MTHFD1L: variants seen among roughly 807,000 people sequenced by gnomAD.
The protein encoded by MTHFD1L is monofunctional C1-tetrahydrofolate synthase, mitochondrial.
MTHFD1L carries 81 observed loss-of-function variants against 119.5 expected under a neutral mutation model. That is an observed-to-expected ratio of 0.68 (90% confidence interval 0.57 to 0.82). MTHFD1L has a LOEUF of 0.82. Ranked by LOEUF, MTHFD1L falls within the 40% of genes least tolerant of loss-of-function variation. MTHFD1L has a pLI of 0.00. For missense variants in MTHFD1L, 1,125 were observed against 1,253.4 expected (o/e 0.90, Z 1.55); for synonymous variants, 430 against 475.2 (o/e 0.90, Z 1.24).
chr6:151,001,477 TC>T (rs2128465558), intron 20 of MTHFD1L, among the ~76,000 whole-genome samples: 1 of 152,346 alleles, frequency 6.6e-6, no homozygotes, highest in East Asian at 1.9e-4. Flanking sequence ...CTAAAGCGGT[TC>T]TTGCCTTTTC....
chr6:150,886,981 C>G (rs1583383526), intron 6 of MTHFD1L, among the ~76,000 whole-genome samples: 1 of 137,104 alleles, frequency 7.3e-6, no homozygotes, highest in South Asian at 2.3e-4. Context: ...GGGCAACAAG[C>G]AAGATCCTAT....
Position 150,936,915 on chromosome 6 carries a change from C to T in MTHFD1L, c.1368C>T (p.Ser456=). 6.2e-7 allele frequency: 1 copy of T among 1,614,170 alleles called. No homozygotes were observed. Among genetic ancestry groups the T allele is most frequent in the Non-Finnish European group, 8.5e-7 (1 of 1,180,024 alleles). The change falls in exon 12 of 28, where the codon TCC becomes TCT. Residue 456 remains serine, a synonymous_variant. Coordinates refer to ENST00000367321, the MANE Select transcript of MTHFD1L (RefSeq NM_015440.5). ...CCTTTGCCTGCTTGAGGCAGCCTTC[C>T]CAAGGACCGACGTTTGGAGTGAAAG... is the stretch of plus-strand genomic sequence containing the variant. ...VNSFACLRQP[S]QGPTFGVKGG...
intron 26 of MTHFD1L, among the ~76,000 whole-genome samples, chr6:151,074,655 A>C (rs1185640780): frequency 2.0e-5 from 3 of 152,248 alleles, no homozygotes; most frequent in Non-Finnish European, 4.4e-5. Context: ...CAGCAGTTCC[A>C]TCAGATTATA....
chr6:150,967,158 C>T (rs557535079), intron 19 of MTHFD1L, among the ~76,000 whole-genome samples: 1 of 152,234 alleles, frequency 6.6e-6, no homozygotes, highest in Non-Finnish European at 1.5e-5. Context: ...TCTTGTCTGT[C>T]ACTGGGGTCT....
intron 24 of MTHFD1L, chr6:151,022,397 C>G (rs1167011984): frequency 1.0e-5 from 2 of 193,038 alleles, no homozygotes; most frequent in African/African-American, 4.6e-5. Flanking sequence ...GGGGGATCTT[C>G]CATTGTGGTA....
rs1798039123 is a variant in MTHFD1L, at chr6:150,971,877, C to T, written c.2014-70C>T. On this transcript the variant is annotated intron_variant, in intron 19 of 27. Transcript: ENST00000367321. The stretch of plus-strand genomic sequence containing the variant: ...TAAAAGCTTTCCTACCCCATTTGCC[C>T]CAAATTGATCTTGGTTTCCATGCTT... 2.2e-6 allele frequency: 3 copies of T among 1,379,984 alleles called. No homozygotes were observed. In the East Asian group the frequency reaches 6.9e-5, roughly 32 times the overall value. The allele number at this position is 1,379,984 out of a possible 1,614,324, so 85.5% of individuals were successfully genotyped here.
chr6:151,082,072 CTTAATT>C (rs1202746018), intron 26 of MTHFD1L, among the ~76,000 whole-genome samples: 1 of 152,192 alleles, frequency 6.6e-6, no homozygotes, highest in East Asian at 1.9e-4. Flanking sequence ...AATTTAATTA[CTTAATT>C]TTGAGTTTCC....
At chr6:150,944,267 A>G (rs1793595568) in intron 13 of MTHFD1L, among the ~76,000 whole-genome samples, 1 of 152,176 alleles carries the variant, frequency 6.6e-6, no homozygotes, top group Non-Finnish European at 1.5e-5. Context: ...GCAACATAGC[A>G]AGACCCCCAT....
At chr6:150,900,175 C>G (rs913182660) in intron 7 of MTHFD1L, among the ~76,000 whole-genome samples, 6 of 151,938 alleles carry the variant, frequency 3.9e-5, no homozygotes, top group African/African-American at 1.2e-4. Context: ...AGCAAAGTCA[C>G]CAGTAGTTCC....
rs1299161508 is a variant in MTHFD1L, at chr6:151,036,983, A to G, written c.2713A>G (p.Ile905Val). ...CTCACAGGGTTTTGGAAATTTGCCC[A>G]TCTGCATGGCAAAGACCCACCTTTC... ...YTQQGFGNLP[I>V]CMAKTHLSLS... The change falls in exon 26 of 28, where the codon ATC (isoleucine) becomes GTC (valine). Residue 905 changes from isoleucine to valine, a missense_variant. Coordinates refer to ENST00000367321, the MANE Select transcript of MTHFD1L (RefSeq NM_015440.5). The G allele has an allele frequency of 1.2e-6, 2 of 1,612,058 alleles. No homozygotes were observed. Among genetic ancestry groups the G allele is most frequent in the Middle Eastern group, 2.3e-4 (1 of 4,430 alleles).
chr6:150,984,628 C>T (rs1778008240), intron 20 of MTHFD1L, among the ~76,000 whole-genome samples: 2 of 151,188 alleles, frequency 1.3e-5, no homozygotes, highest in African/African-American at 4.9e-5. Flanking sequence ...CCTACCGTCC[C>T]AAATTTTGTA....
chr6:151,077,381 G>A (rs1276527752), intron 26 of MTHFD1L, among the ~76,000 whole-genome samples: 1 of 152,212 alleles, frequency 6.6e-6, no homozygotes, highest in Non-Finnish European at 1.5e-5. Flanking sequence ...AGTGGCTCAC[G>A]CCTGTAATCC....
chr6:150,953,032 G>A (rs803463), intron 16 of MTHFD1L, among the ~76,000 whole-genome samples: 48,204 of 151,960 alleles, frequency 0.32, 7,909 homozygotes, highest in South Asian at 0.49. Context: ...CAGGCTTGCC[G>A]TCTCTCCATC....
rs573844865 is a variant in MTHFD1L, at chr6:151,085,992, G to A, written c.2848-6475G>A. 5.3e-5 allele frequency among the ~76,000 whole-genome samples: 8 copies of A among 152,236 alleles called. No homozygotes were observed. In the South Asian group the frequency reaches 1.7e-3, roughly 32 times the overall value. ...TTGTAGTAAGCTCTTAGCAAAGGTT[G>A]CTGAGTCGAATGAACTTCACCGTTT... On this transcript the variant is annotated intron_variant, in intron 26 of 27. Transcript: ENST00000367321.
intron 20 of MTHFD1L, among the ~76,000 whole-genome samples, chr6:150,987,889 A>C (rs1778527446): frequency 6.6e-6 from 1 of 152,228 alleles, no homozygotes; most frequent in African/African-American, 2.4e-5. Flanking sequence ...CAATTAAATA[A>C]ATCAGGTAAA....
chr6:151,045,353 A>G (rs1460707731), intron 26 of MTHFD1L, among the ~76,000 whole-genome samples: 1 of 152,162 alleles, frequency 6.6e-6, no homozygotes, highest in Non-Finnish European at 1.5e-5. Context: ...CAGGTCCGCC[A>G]GGACCTCCGC....
At chr6:150,910,082 G>A (rs1268107100) in intron 8 of MTHFD1L, among the ~76,000 whole-genome samples, 2 of 152,076 alleles carry the variant, frequency 1.3e-5, no homozygotes, top group African/African-American at 4.8e-5. Context: ...TTGGGAGGCT[G>A]GGGCAGGAGA....
At chr6:150,886,240 C>G (rs1782244035) in intron 6 of MTHFD1L, among the ~76,000 whole-genome samples, 1 of 152,104 alleles carries the variant, frequency 6.6e-6, no homozygotes, top group Admixed American at 6.5e-5. Flanking sequence ...CGAGACCAGC[C>G]TGGGCAAACA....
chr6:150,952,705 T>C (rs557182206), intron 16 of MTHFD1L, among the ~76,000 whole-genome samples: 131 of 152,214 alleles, frequency 8.6e-4, no homozygotes, highest in African/African-American at 2.9e-3. Context: ...AATTTTTGTA[T>C]TTTTAGTAGA....
Sources: gnomAD v4.1 joint callset for allele counts (sites outside exome capture counted in the v4.1 genomes callset) on GRCh38, gnomAD v4.1.1 for gene constraint, MANE v1.5 for transcripts, NCBI Gene and HGNC (gene_info 2026-07-23, HGNC 2026-07-21) for gene names.